C2CD3: variants seen among roughly 807,000 people sequenced by gnomAD.
The protein encoded by C2CD3 is C2 domain-containing protein 3.
In C2CD3, 148 loss-of-function variants were observed where a neutral mutation model predicts 234.0. The observed-to-expected ratio is 0.63, with a 90% CI of 0.55 to 0.72. The LOEUF is 0.72. C2CD3 is among the 30% of genes least tolerant of loss of function. The pLI is 0.00. For synonymous variants in C2CD3, 1,000 were observed against 1,035.4 expected, an observed-to-expected ratio of 0.97 and a Z score of 0.66; for missense variants, 2,577 against 2,811.5, an observed-to-expected ratio of 0.92 and a Z score of 1.89.
intron 24 of C2CD3, among the ~76,000 whole-genome samples, chr11:74,069,555 A>G (rs773549549): frequency 6.6e-6 from 1 of 152,220 alleles, no homozygotes; most frequent in Non-Finnish European, 1.5e-5. Flanking sequence ...TGTGCTGATA[A>G]CGTCTCTGAA....
At chr11:74,034,557 A>C (rs1372022935) in intron 30 of C2CD3, 1 of 1,613,784 alleles carries the variant, frequency 6.2e-7, no homozygotes, top group Admixed American at 1.7e-5. Context: ...AATCGTTGGG[A>C]GCTGGGAGTC....
intron 20 of C2CD3, among the ~76,000 whole-genome samples, chr11:74,088,533 T>C (rs902053468): frequency 2.0e-5 from 3 of 152,138 alleles, no homozygotes; most frequent in African/African-American, 7.2e-5. Context: ...AAATGGGAGA[T>C]TTAGAACAAA....
chr11:74,068,049 A>G (rs1301757859), intron 24 of C2CD3, among the ~76,000 whole-genome samples: 1 of 152,234 alleles, frequency 6.6e-6, no homozygotes, highest in East Asian at 1.9e-4. Flanking sequence ...CTTAGATTTC[A>G]GTTTTGGCAC....
chr11:74,113,746 T>C lies in C2CD3; in HGVS notation c.1843+34A>G, dbSNP rs756242969. 1.7e-5 allele frequency: 20 copies of C among 1,181,338 alleles called. 2 individuals are homozygous for C. The highest frequency in any genetic ancestry group is 1.9e-4 in the Middle Eastern group (1 of 5,230). 73.2% of individuals were successfully genotyped at this position (1,181,338 alleles called of 1,614,324 possible). On this transcript the variant is annotated intron_variant, in intron 11 of 32. Coordinates refer to ENST00000334126, the MANE Select transcript of C2CD3 (RefSeq NM_001286577.2). ...TTCAAAAATTCTTCCAAAGTCAGAA[T>C]GTCTAAGGTGCAGAAAACCAGTGTG...
chr11:74,086,726 G>C (rs942826701), intron 20 of C2CD3, among the ~76,000 whole-genome samples: 1 of 152,190 alleles, frequency 6.6e-6, no homozygotes. Context: ...CACTCATAAA[G>C]AGTAGTCAAG....
Position 74,120,995 on chromosome 11 carries a change from GA to G in C2CD3, c.1365+1992del, listed in dbSNP as rs58687006. Among the ~76,000 whole-genome samples, 680 of 133,386 alleles carry G rather than the reference GA, an allele frequency of 5.1e-3. 1 individual carries two copies. Among genetic ancestry groups the G allele is most frequent in the African/African-American group, 8.5e-3 (303 of 35,722 alleles). The allele number at this position is 133,386 out of a possible 152,430, so 87.5% of individuals were successfully genotyped here. A position where few individuals can be genotyped will look rare whatever the true frequency, so the allele number is the denominator to read the frequency against. Reference sequence around the variant, plus strand: ...AACATAGTGAGACCCTGTCTCTACAGAAAAAAAAAAAAAAGAGCTAAAATGT... The same window carrying G: ...AACATAGTGAGACCCTGTCTCTACAGAAAAAAAAAAAAAGAGCTAAAATGT... On this transcript the variant is annotated intron_variant, in intron 8 of 32. Transcript: ENST00000334126.
chr11:74,116,123 T>C (rs1956919400), intron 9 of C2CD3, among the ~76,000 whole-genome samples: 2 of 152,086 alleles, frequency 1.3e-5, no homozygotes, highest in Non-Finnish European at 2.9e-5. Flanking sequence ...GATAAATAGA[T>C]GGGACTTAAT....
At chr11:74,062,265 C>T (rs576592894) in intron 24 of C2CD3, among the ~76,000 whole-genome samples, 6 of 152,270 alleles carry the variant, frequency 3.9e-5, no homozygotes, top group Non-Finnish European at 7.4e-5. Context: ...AGCTCTGCAC[C>T]AAGCGGACCT....
At chr11:74,070,758 CTAAT>C (rs1301400263) in intron 24 of C2CD3, 1 of 152,160 alleles carries the variant, frequency 6.6e-6, no homozygotes, top group African/African-American at 2.4e-5. Flanking sequence ...CCTATGTAGC[CTAAT>C]TAGTCTTTCC....
At chr11:74,155,288 A>C (rs1477558928) in intron 3 of C2CD3, among the ~76,000 whole-genome samples, 9 of 152,364 alleles carry the variant, frequency 5.9e-5, no homozygotes, top group South Asian at 2.1e-4. Context: ...TATTGTATGA[A>C]TTGACATTTA....
At chr11:74,023,653 TC>T (rs1311436118) in intron 32 of C2CD3, among the ~76,000 whole-genome samples, 3 of 152,134 alleles carry the variant, frequency 2.0e-5, no homozygotes, top group African/African-American at 7.2e-5. Flanking sequence ...CCCTTTCTTT[TC>T]CCCCTCTCCT....
chr11:74,113,867 G>A lies in C2CD3; in HGVS notation c.1756C>T (p.Pro586Ser). 6.3e-7 allele frequency: 1 copy of A among 1,598,520 alleles called. No individual in the cohort carries two copies. Among genetic ancestry groups the A allele is most frequent in the Non-Finnish European group, 8.5e-7 (1 of 1,174,808 alleles). The change falls in exon 11 of 33, where the codon CCT (proline) becomes TCT (serine). Residue 586 changes from proline (P) to serine (S), a missense_variant. By Grantham distance (74) the Pro-to-Ser change is moderately conservative. Transcript: ENST00000334126. The part of the protein sequence containing the change: ...KRTFFVEYHF[P>S]VGFSESGLGK... ...AATCCGCTTTCCGAAAAGCCCACAG[G>A]AAAGTGATATTCTACAAAGAAAGTG...
chr11:74,113,903 A>T lies in C2CD3; in HGVS notation c.1731-11T>A. ...TCTACAAAGAAAGTGCTAAAAAGAA[A>T]AAAAAAGTGATTAAAAACTAACCAA... On this transcript the variant is annotated splice_polypyrimidine_tract_variant and intron_variant, in intron 10 of 32. Coordinates refer to ENST00000334126, the MANE Select transcript of C2CD3 (RefSeq NM_001286577.2). 1.4e-6 allele frequency: 2 copies of T among 1,466,414 alleles called. No homozygotes were observed. The highest frequency in any genetic ancestry group is 1.9e-6 in the Non-Finnish European group (2 of 1,071,384). 90.8% of individuals were successfully genotyped at this position (1,466,414 alleles called of 1,614,324 possible). A position where few individuals can be genotyped will look rare whatever the true frequency, so the allele number is the denominator to read the frequency against.
At chr11:74,100,240 C>T (rs1956263050) in intron 15 of C2CD3, among the ~76,000 whole-genome samples, 1 of 152,160 alleles carries the variant, frequency 6.6e-6, no homozygotes, top group Admixed American at 6.5e-5. Flanking sequence ...TCTCTGTTAA[C>T]TCATCTGTAC....
intron 3 of C2CD3, among the ~76,000 whole-genome samples, chr11:74,149,658 C>G (rs919232297): frequency 6.6e-6 from 1 of 151,628 alleles, no homozygotes; most frequent in African/African-American, 2.4e-5. Flanking sequence ...TTTGGAATAG[C>G]TGCCATCTAT....
intron 13 of C2CD3, among the ~76,000 whole-genome samples, chr11:74,104,604 T>C (rs879354970): frequency 6.6e-5 from 10 of 151,718 alleles, no homozygotes; most frequent in African/African-American, 1.2e-4. Context: ...ATAGTAAGAA[T>C]TGGGGAGTCT....
intron 24 of C2CD3, among the ~76,000 whole-genome samples, chr11:74,062,601 A>G (rs907263066): frequency 6.6e-6 from 1 of 152,160 alleles, no homozygotes; most frequent in Non-Finnish European, 1.5e-5. Context: ...AACATACCAG[A>G]ATCTCTGGGA....
chr11:74,022,568 A>G (rs1488664755), intron 32 of C2CD3, among the ~76,000 whole-genome samples: 1 of 152,212 alleles, frequency 6.6e-6, no homozygotes. Context: ...AAATCTACAG[A>G]GCAGAAGACA....
intron 24 of C2CD3, among the ~76,000 whole-genome samples, chr11:74,064,965 C>T (rs943523802): frequency 1.8e-4 from 28 of 152,046 alleles, no homozygotes; most frequent in African/African-American, 6.8e-4. Flanking sequence ...CCATAAAAAC[C>T]CTAGAAGAAA....
Sources: allele counts gnomAD v4.1 joint callset (sites outside exome capture counted in the v4.1 genomes callset), GRCh38; gene constraint gnomAD v4.1.1; transcripts MANE v1.5; gene names NCBI Gene and HGNC (gene_info 2026-07-23, HGNC 2026-07-21).